PCDHGA4: variants seen among roughly 807,000 people sequenced by gnomAD.
PCDHGA4 encodes the protein protocadherin gamma subfamily A, 4.
PCDHGA4 carries 38 observed loss-of-function variants against 54.6 expected under a neutral mutation model. That is an observed-to-expected ratio of 0.70 (90% CI 0.54 to 0.91). The LOEUF is 0.91. Ranked by LOEUF, PCDHGA4 falls within the 40% of genes least tolerant of loss-of-function variation. PCDHGA4 has a pLI of 0.00. For synonymous variants in PCDHGA4, 511 were observed against 512.9 expected (o/e 1.00, Z 0.05); for missense variants, 1,298 against 1,220.9 (o/e 1.06, Z -0.94).
chr5:141,421,109 T>C (rs2096547097), intron 1 of PCDHGA4: 2 of 715,670 alleles, frequency 2.8e-6, no homozygotes, highest in East Asian at 2.8e-5. Flanking sequence ...GACTTAGAAG[T>C]ATTTTCCTTC....
chr5:141,413,737 A>AC, intron 1 of PCDHGA4: 1 of 1,613,410 alleles, frequency 6.2e-7, no homozygotes, highest in Non-Finnish European at 8.5e-7. Flanking sequence ...AAGAGTTCAG[A>AC]GCCGTGCCAA....
At position 141,511,219 on chromosome 5, in the gene PCDHGA4, G is replaced by A. The variant is rs1467284181; in HGVS notation, c.*46G>A. On this transcript the variant is annotated 3_prime_UTR_variant, in exon 4 of 4. Coordinates refer to ENST00000571252, the MANE Select transcript of PCDHGA4 (RefSeq NM_018917.4). ...CCACAGGGCGGCCTCTCCCCAACCA[G>A]CCCAGCTTCTCCTTACCTGCACCCA... 5 of 1,606,366 alleles carry A rather than the reference G, an allele frequency of 3.1e-6. No individual in the cohort carries two copies. The highest frequency in any genetic ancestry group is 2.7e-5 in the African/African-American group (2 of 74,686).
At chr5:141,360,708 T>C in intron 1 of PCDHGA4, 1 of 1,613,948 alleles carries the variant, frequency 6.2e-7, no homozygotes, top group South Asian at 1.1e-5. Context: ...GTCGTAAATA[T>C]CCTGAGTTGA....
intron 1 of PCDHGA4, chr5:141,404,548 G>C (rs761765539): frequency 1.2e-5 from 20 of 1,613,740 alleles, no homozygotes. Context: ...AAATGCAGGT[G>C]ACGGCAAGTG....
At chr5:141,428,134 T>C (rs746772496) in intron 1 of PCDHGA4, 1 of 1,600,266 alleles carries the variant, frequency 6.2e-7, no homozygotes, top group Non-Finnish European at 8.5e-7. Flanking sequence ...CTTTTCAGCC[T>C]GGGGCTGCAC....
At chr5:141,421,305 G>A in intron 1 of PCDHGA4, 23 of 1,613,652 alleles carry the variant, frequency 1.4e-5, no homozygotes, top group Non-Finnish European at 1.9e-5. Context: ...CGCTGCGGGG[G>A]TTCCGGGCCA....
In PCDHGA4 at chr5:141,489,911, G is replaced by A; in HGVS notation, c.2515-4896G>A. On this transcript the variant is annotated intron_variant, in intron 1 of 3. Transcript: ENST00000571252. The surrounding 1 kb of genome is among the most constrained non-coding windows in gnomAD (Gnocchi z 4.5). ...GATGGGGGGACCCCAGCCCGCTCAG[G>A]GACCACCCTTATCTCTGTCATCGTG... 3.7e-6 allele frequency: 6 copies of A among 1,614,198 alleles called. No individual in the cohort carries two copies. Among genetic ancestry groups the A allele is most frequent in the Non-Finnish European group, 5.1e-6 (6 of 1,180,042 alleles).
chr5:141,371,692 C>A (rs1172182153), intron 1 of PCDHGA4: 1 of 1,614,048 alleles, frequency 6.2e-7, no homozygotes, highest in South Asian at 1.1e-5. Flanking sequence ...CCACCGCTCT[C>A]CTCCAGCAAG....
Position 141,489,575 on chromosome 5 carries a change from AC to A in PCDHGA4, c.2515-5227del. On this transcript the variant is annotated intron_variant, in intron 1 of 3. Coordinates refer to ENST00000571252, the MANE Select transcript of PCDHGA4 (RefSeq NM_018917.4). This position sits in a 1 kb window ranked among gnomAD's most constrained non-coding sequence, Gnocchi z 4.5. ...CTGCCAGTGCAGGTGGTGACTGAAC[AC>A]CCCCTGGAGCTAATCCGTGTAGAGG... 1 of 1,613,788 alleles carries A rather than the reference AC, an allele frequency of 6.2e-7. No individual in the cohort carries two copies. Among genetic ancestry groups the A allele is most frequent in the Middle Eastern group, 1.6e-4 (1 of 6,062 alleles).
At chr5:141,407,958 A>C (rs1018466165) in intron 1 of PCDHGA4, 1 of 660,632 alleles carries the variant, frequency 1.5e-6, no homozygotes, top group African/African-American at 1.8e-5. Context: ...GCCAGTGCAG[A>C]GCAAGCGCTG....
At position 141,398,955 on chromosome 5, in the gene PCDHGA4, A is replaced by T. The variant is rs2093730495; in HGVS notation, c.2514+41334A>T. 1.2e-6 allele frequency: 2 copies of T among 1,613,966 alleles called. No homozygotes were observed. Among genetic ancestry groups the T allele is most frequent in the African/African-American group, 1.3e-5 (1 of 75,040 alleles). On this transcript the variant is annotated intron_variant, in intron 1 of 3. Transcript: ENST00000571252. ...ACCAAGACGAGGGCATCAACTCAGA[A>T]ATTACTTATTCCTTCTACAGAACCG...
intron 3 of PCDHGA4, among the ~76,000 whole-genome samples, chr5:141,510,566 A>G (rs2154594633): frequency 6.6e-6 from 1 of 152,288 alleles, no homozygotes; most frequent in South Asian, 2.1e-4. Flanking sequence ...TACATCTACC[A>G]GGCACTATTT....
chr5:141,393,508 T>A (rs540869636), intron 1 of PCDHGA4: 2 of 1,614,010 alleles, frequency 1.2e-6, no homozygotes, highest in East Asian at 4.5e-5. Flanking sequence ...CACGTGACAG[T>A]GTTGGATACA....
chr5:141,477,568 C>G lies in PCDHGA4; in HGVS notation c.2515-17239C>G. 1 of 1,614,172 alleles carries G rather than the reference C, an allele frequency of 6.2e-7. No individual in the cohort carries two copies. Among genetic ancestry groups the G allele is most frequent in the Non-Finnish European group, 8.5e-7 (1 of 1,180,044 alleles). On this transcript the variant is annotated intron_variant, in intron 1 of 3. Coordinates refer to ENST00000571252, the MANE Select transcript of PCDHGA4 (RefSeq NM_018917.4). The surrounding 1 kb of genome is among the most constrained non-coding windows in gnomAD (Gnocchi z 4.9). ...TACTAAACCTAAGTGTCTGGGACCC[C>G]GACGCCCCGCAGAATGCTCGGCTTT...
intron 1 of PCDHGA4, among the ~76,000 whole-genome samples, chr5:141,448,831 G>C (rs985602153): frequency 4.6e-5 from 7 of 152,096 alleles, no homozygotes; most frequent in Non-Finnish European, 7.4e-5. Flanking sequence ...TGTAGTCCCA[G>C]CTACTCTGGA....
At chr5:141,384,960 T>C in intron 1 of PCDHGA4, 4 of 1,613,970 alleles carry the variant, frequency 2.5e-6, no homozygotes, top group Non-Finnish European at 3.4e-6. Flanking sequence ...CTTACAACTA[T>C]GACCTCACGT....
At chr5:141,415,116 A>T in intron 1 of PCDHGA4, 1 of 1,613,652 alleles carries the variant, frequency 6.2e-7, no homozygotes, top group Non-Finnish European at 8.5e-7. Flanking sequence ...AAAGCCTCGT[A>T]GTGGCCGTCC....
rs774505854 is a variant in PCDHGA4 at position 141,490,507 on chromosome 5, G to A, written c.2515-4300G>A. The A allele has an allele frequency of 5.6e-6, 9 of 1,613,898 alleles. No individual in the cohort carries two copies. The highest frequency in any genetic ancestry group is 4.0e-5 in the African/African-American group (3 of 74,868). ...GGAGGCCACATCCCACTATATCATC[G>A]AGCTGCTGGCCAGCGATGCTGGTTC... On this transcript the variant is annotated intron_variant, in intron 1 of 3. Transcript: ENST00000571252. This position sits in a 1 kb window ranked among gnomAD's most constrained non-coding sequence, Gnocchi z 5.4.
At chr5:141,366,180 T>C in intron 1 of PCDHGA4, 1 of 1,613,950 alleles carries the variant, frequency 6.2e-7, no homozygotes, top group Non-Finnish European at 8.5e-7. Flanking sequence ...CCAGGACTCT[T>C]TGCGGTTGGG....
Sources: gnomAD v4.1 joint callset for allele counts (sites outside exome capture counted in the v4.1 genomes callset) on GRCh38, gnomAD v4.1.1 for gene constraint, Gnocchi (gnomAD v3.1) non-coding constraint, MANE v1.5 for transcripts, NCBI Gene and HGNC (gene_info 2026-07-23, HGNC 2026-07-21) for gene names.